RREB1: variants seen among roughly 807,000 people sequenced by gnomAD.
The protein encoded by RREB1 is ras responsive element binding protein 1.
Under a neutral mutation model 117.8 loss-of-function variants are expected in RREB1, and 27 were observed. The ratio of observed to expected loss-of-function variants is 0.23; its 90% confidence interval spans 0.17 to 0.32. The LOEUF (loss-of-function observed/expected upper bound fraction) is 0.32, where lower values mean the gene tolerates loss of function less well. Ranked by LOEUF, RREB1 falls within the 10% of genes least tolerant of loss-of-function variation. RREB1 has a pLI of 1.00. For synonymous variants in RREB1, 1,298 were observed against 1,026.7 expected (o/e 1.26, Z -5.05); for missense variants, 2,577 against 2,378.2 (o/e 1.08, Z -1.74).
Position 7,230,524 on chromosome 6 carries a change from A to C in RREB1, c.2425A>C (p.Ile809Leu). 1 of 1,595,240 alleles carries C rather than the reference A, an allele frequency of 6.3e-7. No homozygotes were observed. Among genetic ancestry groups the C allele is most frequent in the Non-Finnish European group, 8.5e-7 (1 of 1,176,214 alleles). The change falls in exon 10 of 13, where the codon ATC becomes CTC. Residue 809 changes from isoleucine to leucine, a missense_variant. Ile to Leu is a conservative substitution (Grantham distance 5, BLOSUM62 2). Transcript: ENST00000379938. The part of the protein sequence containing the change: ...FAAKRNCIHH[I>L]LKQHLHVPEQ... Reference sequence around the variant, plus strand: ...GGCCAAGCGCAACTGCATCCACCACATCCTCAAGCAGCACCTGCACGTGCC... The same window carrying C: ...GGCCAAGCGCAACTGCATCCACCACCTCCTCAAGCAGCACCTGCACGTGCC...
At chr6:7,118,267 C>T (rs917782714) in intron 1 of RREB1, among the ~76,000 whole-genome samples, 2 of 152,136 alleles carry the variant, frequency 1.3e-5, no homozygotes, top group African/African-American at 4.8e-5. Context: ...ATTACAGGCG[C>T]ATGCCACCAC....
At chr6:7,117,388 G>GTTTTTTTTTTTTTTTTTTTTTT (rs70978941) in intron 1 of RREB1, among the ~76,000 whole-genome samples, 14 of 63,294 alleles carry the variant, frequency 2.2e-4, no homozygotes, top group Non-Finnish European at 2.7e-4. Flanking sequence ...TAGGTTTCCT[G>GTTTTTTTTTTTTTTTTTTTTTT]TTTTTTTTTT....
chr6:7,165,558 TC>T (rs1017019871), intron 1 of RREB1, among the ~76,000 whole-genome samples: 2 of 151,562 alleles, frequency 1.3e-5, no homozygotes, highest in African/African-American at 4.9e-5. Context: ...TTGAGAATGT[TC>T]CCATTACATA....
intron 8 of RREB1, 59 bp downstream of exon 8, chr6:7,211,768 G>A (rs1766622482): frequency 6.4e-7 from 1 of 1,574,572 alleles, no homozygotes; most frequent in Admixed American, 1.7e-5. Context: ...ATGTGACAAT[G>A]TTCTTAAGTC....
intron 1 of RREB1, among the ~76,000 whole-genome samples, chr6:7,120,745 C>CAAGT (rs1561726726): frequency 6.6e-6 from 1 of 151,208 alleles, no homozygotes; most frequent in Non-Finnish European, 1.5e-5. Flanking sequence ...CTCGTGGGCC[C>CAAGT]AAGTGATCCT....
At chr6:7,108,319 C>CTCT in intron 1 of RREB1, among the ~76,000 whole-genome samples, 1 of 150,990 alleles carries the variant, frequency 6.6e-6, no homozygotes, top group Non-Finnish European at 1.5e-5. Flanking sequence ...CGGGCCATTC[C>CTCT]TCCTCCTCCT....
chr6:7,221,557 A>G (rs111543744), intron 8 of RREB1, among the ~76,000 whole-genome samples: 2 of 152,220 alleles, frequency 1.3e-5, no homozygotes, highest in African/African-American at 4.8e-5. Flanking sequence ...CTTCTCTGCC[A>G]CTTTCATGTT....
Position 7,230,510 on chromosome 6 carries a change from A to G in RREB1, c.2411A>G (p.Asn804Ser), listed in dbSNP as rs748706094. ...AGCGCCGCGTTCGCGGCCAAGCGCA[A>G]CTGCATCCACCACATCCTCAAGCAG... ...ECSAAFAAKR[N>S]CIHHILKQHL... is the part of the protein sequence containing the mutation. Residue 804 changes from asparagine (N) to serine (S), a missense_variant, in exon 10 of 13, where the codon AAC becomes AGC. Asn to Ser is a conservative substitution (Grantham distance 46). Transcript: ENST00000379938. 16 of 1,594,000 alleles carry G rather than the reference A, an allele frequency of 1.0e-5. No homozygotes were observed. The highest frequency in any genetic ancestry group is 1.6e-4 in the Middle Eastern group (1 of 6,070).
At chr6:7,143,851 C>CTTTTTTTTTTTT (rs11365387) in intron 1 of RREB1, among the ~76,000 whole-genome samples, 6 of 89,370 alleles carry the variant, frequency 6.7e-5, no homozygotes, top group East Asian at 3.5e-4. Context: ...TTTTTTCTTT[C>CTTTTTTTTTTTT]TTTTTTTTTT....
chr6:7,208,956 C>A (rs776959655), intron 6 of RREB1, among the ~76,000 whole-genome samples: 2 of 152,154 alleles, frequency 1.3e-5, no homozygotes, highest in Non-Finnish European at 2.9e-5. Flanking sequence ...GGCTCAAGCT[C>A]TGAGGCTATG....
At chr6:7,200,475 G>A (rs1765908923) in intron 6 of RREB1, among the ~76,000 whole-genome samples, 1 of 151,978 alleles carries the variant, frequency 6.6e-6, no homozygotes, top group African/African-American at 2.4e-5. Context: ...CACCATGTTG[G>A]CCAGGCGGGT....
chr6:7,226,513 C>A lies in RREB1; in HGVS notation c.754C>A (p.Arg252Ser), dbSNP rs749676642. The A allele has an allele frequency of 1.2e-6, 2 of 1,614,050 alleles. No homozygotes were observed. The highest frequency in any genetic ancestry group is 1.1e-5 in the South Asian group (1 of 91,040). The change falls in exon 9 of 13, where the codon CGT becomes AGT. Residue 252 changes from arginine (R) to serine (S), a missense_variant. By Grantham distance (110) the Arg-to-Ser change is moderately radical. Coordinates refer to ENST00000379938, the MANE Select transcript of RREB1 (RefSeq NM_001003699.4). Reference protein sequence around the residue: ...VTFRTHRGLLRHNALVHKQLP... With the variant: ...VTFRTHRGLLSHNALVHKQLP... ...CTTTCGAACACATCGAGGACTGCTG[C>A]GTCACAACGCGCTTGTCCACAAACA... is the stretch of plus-strand genomic sequence containing the variant.
chr6:7,228,717 A>C (rs1224428641), intron 9 of RREB1, among the ~76,000 whole-genome samples: 2 of 151,860 alleles, frequency 1.3e-5, no homozygotes, highest in Non-Finnish European at 2.9e-5. Flanking sequence ...TATGTTGCCC[A>C]GGCTAGTCAC....
At chr6:7,215,565 C>T (rs1766849855) in intron 8 of RREB1, 2 of 152,168 alleles carry the variant, frequency 1.3e-5, no homozygotes, top group Non-Finnish European at 2.9e-5. Context: ...GTCTTGAACT[C>T]CTGGGCTCAA....
Position 7,229,630 on chromosome 6 carries a change from C to T in RREB1, c.1531C>T (p.Pro511Ser), listed in dbSNP as rs1276267905. 2 of 1,612,994 alleles carry T rather than the reference C, an allele frequency of 1.2e-6. No individual in the cohort carries two copies. Among genetic ancestry groups the T allele is most frequent in the Non-Finnish European group, 8.5e-7 (1 of 1,179,680 alleles). ...GCACATGCCCCCTCTGAAGCCAAAG[C>T]CCCTGGTCACACCACGGACGGTGGT... ...FKHMPPLKPK[P>S]LVTPRTVVAT... Residue 511 changes from proline to serine, a missense_variant, in exon 10 of 13, where the codon CCC (proline) becomes TCC (serine). By Grantham distance (74) the Pro-to-Ser change is moderately conservative. Coordinates refer to ENST00000379938, the MANE Select transcript of RREB1 (RefSeq NM_001003699.4). This position sits in a 1 kb window ranked among gnomAD's most constrained non-coding sequence, Gnocchi z 4.5.
chr6:7,241,491 C>T (rs549130806), intron 11 of RREB1, among the ~76,000 whole-genome samples: 21 of 152,272 alleles, frequency 1.4e-4, no homozygotes, highest in Non-Finnish European at 2.4e-4. Flanking sequence ...CTTGTGGCTG[C>T]GAAGAGATCC....
chr6:7,153,413 TACAC>T (rs57110705), intron 1 of RREB1, among the ~76,000 whole-genome samples: 270 of 145,822 alleles, frequency 1.9e-3, no homozygotes, highest in African/African-American at 2.1e-3. Context: ...AGTAGTGGTA[TACAC>T]ACACACACAC....
chr6:7,217,795 C>A (rs924336743), intron 8 of RREB1: 1 of 152,038 alleles, frequency 6.6e-6, no homozygotes, highest in African/African-American at 2.4e-5. Flanking sequence ...ATATTTTAAA[C>A]CTTCCAACAT....
chr6:7,159,268 C>T (rs985336367), intron 1 of RREB1, among the ~76,000 whole-genome samples: 5 of 152,196 alleles, frequency 3.3e-5, no homozygotes, highest in African/African-American at 1.2e-4. Context: ...GCCATGTTTA[C>T]ACCCACAGGA....
Sources: allele counts gnomAD v4.1 joint callset (sites outside exome capture counted in the v4.1 genomes callset), GRCh38; gene constraint gnomAD v4.1.1; non-coding constraint Gnocchi (gnomAD v3.1); transcripts MANE v1.5; gene names NCBI Gene and HGNC (gene_info 2026-07-23, HGNC 2026-07-21).